Variants in CDK2AP1 observed in about 807,000 individuals in gnomAD.
CDK2AP1 encodes cyclin-dependent kinase 2-associated protein 1.
In CDK2AP1, 10 loss-of-function variants were observed where a neutral mutation model predicts 14.1. The ratio of observed to expected loss-of-function variants is 0.71; its 90% CI spans 0.44 to 1.20. The LOEUF is 1.20. CDK2AP1 is among the 50% of genes most tolerant of loss of function. CDK2AP1 has a pLI of 0.00. For synonymous variants in CDK2AP1, 59 were observed against 59.8 expected (o/e 0.99, Z 0.06); for missense variants, 102 against 149.9 (o/e 0.68, Z 1.67).
rs370848964 is a variant in CDK2AP1 at position 123,267,200 on chromosome 12, G to A, written c.138C>T (p.Ser46=). ...ATTGACATACCTGGGTGTAGCCTAG[G>A]GACGGTGGCCCGTAGTCACTGAGCA... ...RQLLSDYGPP[S]LGYTQGTGNS... The change falls in exon 2 of 4, where the codon TCC becomes TCT. Residue 46 remains serine (S), a synonymous_variant. Transcript: ENST00000261692. The A allele has an allele frequency of 2.6e-4, 421 of 1,607,866 alleles. 1 individual carries two copies. The highest frequency in any genetic ancestry group is 3.7e-4 in the Admixed American group (22 of 59,990).
chr12:123,271,947 T>C (rs1037532784), upstream of CDK2AP1: 1 of 146,272 alleles, frequency 6.8e-6, no homozygotes, highest in African/African-American at 2.5e-5. Flanking sequence ...CGCCTCCGGG[T>C]GCGCTCGGCG....
rs771911501 is a variant in CDK2AP1 at position 123,265,182 on chromosome 12, G to A, written c.280+14C>T. The stretch of plus-strand genomic sequence containing the variant: ...GCACTGTGGTCACCGACAGGGCAGC[G>A]GGGCCGGGCTTACCGCGCTTCAGCC... On this transcript the variant is annotated intron_variant, in intron 3 of 3. Coordinates refer to ENST00000261692, the MANE Select transcript of CDK2AP1 (RefSeq NM_004642.4). This position sits in a 1 kb window ranked among gnomAD's most constrained non-coding sequence, Gnocchi z 5.3. The A allele has an allele frequency of 1.3e-5, 21 of 1,613,728 alleles. No individual in the cohort carries two copies. Among genetic ancestry groups the A allele is most frequent in the Middle Eastern group, 1.6e-4 (1 of 6,084 alleles).
intron 3 of CDK2AP1, among the ~76,000 whole-genome samples, chr12:123,262,991 C>T (rs1463575580): frequency 1.3e-5 from 2 of 151,686 alleles, no homozygotes; most frequent in Non-Finnish European, 2.9e-5. Context: ...GGGCGGGTTG[C>T]CCACTTGAGG....
chr12:123,270,645 T>A (rs1199031641), intron 1 of CDK2AP1, among the ~76,000 whole-genome samples: 1 of 152,064 alleles, frequency 6.6e-6, no homozygotes, highest in African/African-American at 2.4e-5. Context: ...GCTCCCTCGG[T>A]CCCCTGGGCT....
At chr12:123,264,025 T>A (rs533615928) in intron 3 of CDK2AP1, among the ~76,000 whole-genome samples, 5 of 151,946 alleles carry the variant, frequency 3.3e-5, no homozygotes, top group African/African-American at 1.2e-4. Context: ...AGGAAAATTG[T>A]TTGAACCCGG....
chr12:123,261,647 G>C lies in CDK2AP1; in HGVS notation c.*89C>G, dbSNP rs1246647912. ...GGAAAAACGAAACTGTAACCATTTTGAAAACAAGGGTTTCATCTGAACAGG... is the reference window on the plus strand; with the variant it reads ...GGAAAAACGAAACTGTAACCATTTTCAAAACAAGGGTTTCATCTGAACAGG... On this transcript the variant is annotated 3_prime_UTR_variant, in exon 4 of 4. Transcript: ENST00000261692. The C allele has an allele frequency of 2.7e-6, 3 of 1,106,094 alleles. No homozygotes were observed. Among genetic ancestry groups the C allele is most frequent in the Non-Finnish European group, 4.1e-6 (3 of 726,406 alleles). The allele number at this position is 1,106,094 out of a possible 1,614,324, so 68.5% of individuals were successfully genotyped here. A position where few individuals can be genotyped will look rare whatever the true frequency, so the allele number is the denominator to read the frequency against.
intron 3 of CDK2AP1, 24 bp from the exon 4 acceptor site, chr12:123,261,827 G>A: frequency 6.4e-7 from 1 of 1,560,238 alleles, no homozygotes; most frequent in South Asian, 1.1e-5. Flanking sequence ...AGAGACCTGA[G>A]GTCAGCAAGT....
rs939100568 is a variant in CDK2AP1, at chr12:123,270,133, GC to G, written c.55+1430del. On this transcript the variant is annotated intron_variant, in intron 1 of 3. Coordinates refer to ENST00000261692, the MANE Select transcript of CDK2AP1 (RefSeq NM_004642.4). ...GCCCAGGCTGGCAACACCAGCCCCT[GC>G]CCTCCCCACAGGCCAGAGGAAGAAG... is the stretch of plus-strand genomic sequence containing the variant. The G allele has an allele frequency of 7.7e-5, 62 of 800,376 alleles. No individual in the cohort carries two copies. In the African/African-American group the frequency reaches 1.0e-3, roughly 13 times the overall value. 49.6% of individuals were successfully genotyped at this position (800,376 alleles called of 1,614,324 possible). A position where few individuals can be genotyped will look rare whatever the true frequency, so the allele number is the denominator to read the frequency against.
chr12:123,268,071 G>T, intron 1 of CDK2AP1: 2 of 584,272 alleles, frequency 3.4e-6, no homozygotes, highest in East Asian at 1.4e-4. Flanking sequence ...GGAGTCCGTG[G>T]CTAGGAGCAC....
At position 123,265,218 on chromosome 12, in the gene CDK2AP1, A is replaced by G. The variant is rs1251600299; in HGVS notation, c.258T>C (p.Ser86=). Residue 86 remains serine (S), a synonymous_variant, in exon 3 of 4, where the codon AGT becomes AGC. Coordinates refer to ENST00000261692, the MANE Select transcript of CDK2AP1 (RefSeq NM_004642.4). The surrounding 1 kb of genome is among the most constrained non-coding windows in gnomAD (Gnocchi z 5.3). ...TACCGCGCTTCAGCCTCTCCATGGC[A>G]CTCTTGCTCCCTGCGTACGTGGGTC... ...EIRPTYAGSK[S]AMERLKRGII... is the part of the protein sequence containing the mutation. 1 of 1,613,954 alleles carries G rather than the reference A, an allele frequency of 6.2e-7. No homozygotes were observed. Among genetic ancestry groups the G allele is most frequent in the East Asian group, 2.2e-5 (1 of 44,872 alleles).
rs1226465860 is a variant in CDK2AP1, at chr12:123,267,187, G to T, written c.151C>A (p.Gln51Lys). ...TGCCATCACCCCCATTGACATACCT[G>T]GGTGTAGCCTAGGGACGGTGGCCCG... is the stretch of plus-strand genomic sequence containing the variant. Reference protein sequence around the residue: ...DYGPPSLGYTQGTGNSQVPQS... With the variant: ...DYGPPSLGYTKGTGNSQVPQS... The change falls in exon 2 of 4, where the codon CAG becomes AAG. Residue 51 changes from glutamine (Q) to lysine (K), a missense_variant and splice_region_variant. By Grantham distance (53) the Gln-to-Lys change is moderately conservative (BLOSUM62 1). Coordinates refer to ENST00000261692, the MANE Select transcript of CDK2AP1 (RefSeq NM_004642.4). The T allele has an allele frequency of 6.3e-7, 1 of 1,577,104 alleles. No individual in the cohort carries two copies. The highest frequency in any genetic ancestry group is 1.1e-5 in the South Asian group (1 of 90,262).
At chr12:123,267,374 C>A (rs1489832393) in intron 1 of CDK2AP1, 92 bp from the exon 2 acceptor site, 22 of 761,070 alleles carry the variant, frequency 2.9e-5, no homozygotes, top group Non-Finnish European at 5.0e-5. Context: ...TGCCCAGGAC[C>A]CACACCACCA....
rs1414223830 is a variant in CDK2AP1, at chr12:123,265,346, C to A, written c.154-24G>T. ...CCCTAGAATCAGAAAGAAATGGGTT[C>A]AGCAAAATCAGCCGGGCGTGGTGGT... On this transcript the variant is annotated intron_variant, in intron 2 of 3. Transcript: ENST00000261692. This position sits in a 1 kb window ranked among gnomAD's most constrained non-coding sequence, Gnocchi z 5.3. 1 of 1,613,636 alleles carries A rather than the reference C, an allele frequency of 6.2e-7. No individual in the cohort carries two copies. Among genetic ancestry groups the A allele is most frequent in the Non-Finnish European group, 8.5e-7 (1 of 1,179,684 alleles).
chr12:123,266,287 G>A (rs1206490676), intron 2 of CDK2AP1, among the ~76,000 whole-genome samples: 5 of 152,210 alleles, frequency 3.3e-5, no homozygotes, highest in South Asian at 4.1e-4. Context: ...CGCCGCCGTC[G>A]CATGGCCAGA....
chr12:123,265,822 C>T lies in CDK2AP1; in HGVS notation c.154-500G>A, dbSNP rs2048284736. 6.6e-6 allele frequency among the ~76,000 whole-genome samples: 1 copy of T among 152,214 alleles called. No homozygotes were observed. Among genetic ancestry groups the T allele is most frequent in the Non-Finnish European group, 1.5e-5 (1 of 68,030 alleles). ...AGTCCAAACAGCATTTCCCAGGATG[C>T]AGATGGATGGGAGGGCACATCCCAG... On this transcript the variant is annotated intron_variant, in intron 2 of 3. Coordinates refer to ENST00000261692, the MANE Select transcript of CDK2AP1 (RefSeq NM_004642.4). This position sits in a 1 kb window ranked among gnomAD's most constrained non-coding sequence, Gnocchi z 5.3.
In CDK2AP1 at chr12:123,265,077, A is replaced by C; in HGVS notation, c.280+119T>G. 1.5e-6 allele frequency: 2 copies of C among 1,370,654 alleles called. No individual in the cohort carries two copies. Among genetic ancestry groups the C allele is most frequent in the Non-Finnish European group, 2.0e-6 (2 of 986,540 alleles). 84.9% of individuals were successfully genotyped at this position (1,370,654 alleles called of 1,614,324 possible). A position where few individuals can be genotyped will look rare whatever the true frequency, so the allele number is the denominator to read the frequency against. ...ACAGACGGCAACTCTGTAACAAGAC[A>C]GGAGCTCCCATGAGTGAGCCTCATC... is the stretch of plus-strand genomic sequence containing the variant. On this transcript the variant is annotated intron_variant, in intron 3 of 3. Coordinates refer to ENST00000261692, the MANE Select transcript of CDK2AP1 (RefSeq NM_004642.4). This position sits in a 1 kb window ranked among gnomAD's most constrained non-coding sequence, Gnocchi z 5.3.
In CDK2AP1 at chr12:123,261,675, A is replaced by G; in HGVS notation, c.*61T>C. The G allele has an allele frequency of 7.5e-7, 1 of 1,335,574 alleles. No individual in the cohort carries two copies. The highest frequency in any genetic ancestry group is 1.1e-6 in the Non-Finnish European group (1 of 925,648). The allele number at this position is 1,335,574 out of a possible 1,614,324, so 82.7% of individuals were successfully genotyped here. ...AACAAGGGTTTCATCTGAACAGGGG[A>G]GATGAACTGTAACTTCTCATCTTGT... On this transcript the variant is annotated 3_prime_UTR_variant, in exon 4 of 4. Transcript: ENST00000261692.
chr12:123,261,881 A>G, intron 3 of CDK2AP1, 78 bp from the exon 4 acceptor site: 1 of 988,692 alleles, frequency 1.0e-6, no homozygotes, highest in South Asian at 1.3e-5. Context: ...CAGCAAGAGG[A>G]TCCATCCTTC....
rs12146722 is a variant in CDK2AP1 at position 123,265,188 on chromosome 12, G to A, written c.280+8C>T. On this transcript the variant is annotated splice_region_variant and intron_variant, in intron 3 of 3. Transcript: ENST00000261692. The surrounding 1 kb of genome is among the most constrained non-coding windows in gnomAD (Gnocchi z 5.3). Reference sequence around the variant, plus strand: ...TGGTCACCGACAGGGCAGCGGGGCCGGGCTTACCGCGCTTCAGCCTCTCCA... The same window carrying A: ...TGGTCACCGACAGGGCAGCGGGGCCAGGCTTACCGCGCTTCAGCCTCTCCA... 43,872 of 1,613,856 alleles carry A rather than the reference G, an allele frequency of 0.027. 727 individuals are homozygous for A. The highest frequency in any genetic ancestry group is 0.031 in the Non-Finnish European group (36,517 of 1,179,800).
Sources: gnomAD v4.1 joint callset for allele counts (sites outside exome capture counted in the v4.1 genomes callset) on GRCh38, gnomAD v4.1.1 for gene constraint, Gnocchi (gnomAD v3.1) non-coding constraint, MANE v1.5 for transcripts, NCBI Gene and HGNC (gene_info 2026-07-23, HGNC 2026-07-21) for gene names.